The following TANC2 variants were observed in gnomAD, a reference collection of about 807,000 sequenced individuals.
TANC2 encodes the protein tetratricopeptide repeat, ankyrin repeat and coiled-coil containing 2.
In TANC2, 26 loss-of-function variants were observed where a neutral mutation model predicts 210.5. The ratio of observed to expected loss-of-function variants is 0.12; its 90% CI spans 0.09 to 0.17. The LOEUF (loss-of-function observed/expected upper bound fraction) is 0.17, where lower values mean the gene tolerates loss of function less well. Among genes scored for constraint, TANC2 ranks in the 10% least tolerant of loss-of-function variants. The pLI, the probability that TANC2 is intolerant of heterozygous loss-of-function variation, is 1.00. For missense variants in TANC2, 2,129 were observed against 2,608.9 expected (o/e 0.82, Z 4.01); for synonymous variants, 931 against 967.1 (o/e 0.96, Z 0.69).
chr17:63,037,791 C>T (rs1391123908), intron 2 of TANC2, among the ~76,000 whole-genome samples: 2 of 151,792 alleles, frequency 1.3e-5, no homozygotes, highest in African/African-American at 2.4e-5. Flanking sequence ...TCCAGCTGGG[C>T]GGCAGACCGA....
At chr17:63,064,530 A>G (rs986375170) in intron 2 of TANC2, among the ~76,000 whole-genome samples, 1 of 152,220 alleles carries the variant, frequency 6.6e-6, no homozygotes, top group Non-Finnish European at 1.5e-5. Flanking sequence ...AATTACTTTT[A>G]AAGTATCTCT....
chr17:63,328,528 A>G (rs1270623496), intron 11 of TANC2, among the ~76,000 whole-genome samples: 1 of 152,018 alleles, frequency 6.6e-6, no homozygotes, highest in African/African-American at 2.4e-5. Context: ...TAAATAAGCC[A>G]GAAACAGAAA....
chr17:63,334,847 G>A (rs911965405), intron 11 of TANC2, among the ~76,000 whole-genome samples: 1 of 152,234 alleles, frequency 6.6e-6, no homozygotes, highest in Non-Finnish European at 1.5e-5. Flanking sequence ...CCTGCAGGCT[G>A]TATGAGCATG....
chr17:63,062,011 T>C (rs1383350262), intron 2 of TANC2, among the ~76,000 whole-genome samples: 1 of 152,206 alleles, frequency 6.6e-6, no homozygotes, highest in Non-Finnish European at 1.5e-5. Flanking sequence ...TTATCTAATT[T>C]TCTTAACATT....
intron 2 of TANC2, among the ~76,000 whole-genome samples, chr17:63,030,247 T>A (rs1279311402): frequency 1.3e-5 from 2 of 152,106 alleles, no homozygotes; most frequent in Non-Finnish European, 2.9e-5. Context: ...TTGTGGTAGT[T>A]AGGATGGTTA....
At chr17:63,398,349 C>T (rs189175356) in intron 18 of TANC2, among the ~76,000 whole-genome samples, 2 of 151,464 alleles carry the variant, frequency 1.3e-5, no homozygotes, top group Non-Finnish European at 2.9e-5. Flanking sequence ...CCAGCTAATC[C>T]GGAGGCTGAA....
At position 63,058,376 on chromosome 17, in the gene TANC2, A is replaced by G. The variant is rs376630644; in HGVS notation, c.68-15567A>G. On this transcript the variant is annotated intron_variant, in intron 2 of 27. Transcript: ENST00000689528. Reference sequence around the variant, plus strand: ...TTCTCTCCCATTATTTAGATTGTCTATTTACTCTGTTGATAGTTTCGTTTG... The same window carrying G: ...TTCTCTCCCATTATTTAGATTGTCTGTTTACTCTGTTGATAGTTTCGTTTG... Among the ~76,000 whole-genome samples the G allele has an allele frequency of 1.2e-3, 178 of 152,116 alleles. 2 individuals carry two copies. In the South Asian group the frequency reaches 0.014, roughly 12 times the overall value.
chr17:63,354,543 C>T (rs1401062690), intron 13 of TANC2, among the ~76,000 whole-genome samples: 3 of 152,172 alleles, frequency 2.0e-5, no homozygotes, highest in Non-Finnish European at 4.4e-5. Context: ...CATGAAATCA[C>T]TCCAAAAGCA....
intron 7 of TANC2, among the ~76,000 whole-genome samples, chr17:63,218,096 C>A (rs768391320): frequency 1.4e-4 from 22 of 151,976 alleles, no homozygotes; most frequent in Non-Finnish European, 2.5e-4. Flanking sequence ...GTTGCCTGGG[C>A]AACATAGTGA....
intron 4 of TANC2, among the ~76,000 whole-genome samples, chr17:63,145,938 A>T (rs1461338092): frequency 6.6e-6 from 1 of 152,088 alleles, no homozygotes; most frequent in African/African-American, 2.4e-5. Flanking sequence ...GGGAAAAAAA[A>T]AGTCATTGAA....
chr17:63,357,421 C>T (rs1051612352), intron 14 of TANC2, among the ~76,000 whole-genome samples: 7 of 152,344 alleles, frequency 4.6e-5, no homozygotes, highest in Middle Eastern at 3.4e-3. Context: ...TTGCAGCAAC[C>T]GACTGATGCA....
intron 9 of TANC2, among the ~76,000 whole-genome samples, chr17:63,281,681 C>CT (rs1490406152): frequency 1.3e-5 from 2 of 152,178 alleles, no homozygotes; most frequent in Admixed American, 1.3e-4. Flanking sequence ...CACCCAGAAT[C>CT]TAAGAACGTG....
intron 5 of TANC2, among the ~76,000 whole-genome samples, chr17:63,164,754 T>C (rs986563945): frequency 6.6e-6 from 1 of 152,128 alleles, no homozygotes; most frequent in Non-Finnish European, 1.5e-5. Context: ...CAAGAGAAGA[T>C]AGATGTCACA....
At chr17:63,001,840 G>T (rs1217805650) in intron 1 of TANC2, among the ~76,000 whole-genome samples, 2 of 152,136 alleles carry the variant, frequency 1.3e-5, no homozygotes, top group South Asian at 4.1e-4. Context: ...AAGCCACTGC[G>T]CCTGGTCAAG....
intron 8 of TANC2, 95 bp downstream of exon 8, chr17:63,238,172 A>G: frequency 2.9e-6 from 4 of 1,386,372 alleles, no homozygotes; most frequent in Non-Finnish European, 3.8e-6. Context: ...CTCTGACAGT[A>G]TTTAAATTTT....
chr17:63,266,865 TGTTTGAAACAGGGTCTCTCTGTTGCC>T (rs1333328223), intron 8 of TANC2, among the ~76,000 whole-genome samples: 5 of 152,132 alleles, frequency 3.3e-5, no homozygotes, highest in African/African-American at 4.8e-5. Context: ...TTGTTGTTGT[TGTTTGAAACAGGGTCTCTCTGTTGCC>T]AAGTCTGTAG....
intron 5 of TANC2, among the ~76,000 whole-genome samples, chr17:63,176,019 AGT>A (rs2040567288): frequency 6.6e-6 from 1 of 152,244 alleles, no homozygotes; most frequent in Non-Finnish European, 1.5e-5. Flanking sequence ...TGTATTTATT[AGT>A]ATAACTAAAA....
At chr17:63,398,350 G>A (rs745663698) in intron 18 of TANC2, among the ~76,000 whole-genome samples, 3 of 151,876 alleles carry the variant, frequency 2.0e-5, no homozygotes, top group East Asian at 3.9e-4. Flanking sequence ...CAGCTAATCC[G>A]GAGGCTGAAG....
intron 2 of TANC2, among the ~76,000 whole-genome samples, chr17:63,063,531 C>CGTGTGTGTGTGTGTGTGTGT (rs59132639): frequency 9.2e-6 from 1 of 108,148 alleles, no homozygotes; most frequent in Non-Finnish European, 1.9e-5. Context: ...GGGACAAAGA[C>CGTGTGTGTGTGTGTGTGTGT]GTGTGTGTGT....
Sources: allele counts gnomAD v4.1 joint callset (sites outside exome capture counted in the v4.1 genomes callset), GRCh38; gene constraint gnomAD v4.1.1; transcripts MANE v1.5; gene names NCBI Gene and HGNC (gene_info 2026-07-23, HGNC 2026-07-21).